The following XYLT1 variants were observed in gnomAD, a reference collection of about 807,000 sequenced individuals.
XYLT1 encodes beta-D-xylosyltransferase 1.
Under a neutral mutation model 91.3 loss-of-function variants are expected in XYLT1, and 36 were observed. The observed-to-expected ratio is 0.39, with a 90% CI of 0.30 to 0.52. XYLT1 has a LOEUF of 0.52. Among genes scored for constraint, XYLT1 ranks in the 20% least tolerant of loss-of-function variants. The pLI, the probability that XYLT1 is intolerant of heterozygous loss-of-function variation, is 0.68. For missense variants in XYLT1, 1,242 were observed against 1,284.5 expected (o/e 0.97, Z 0.51); for synonymous variants, 588 against 532.0 (o/e 1.11, Z -1.45).
chr16:17,133,216 G>C (rs897840445), intron 9 of XYLT1, among the ~76,000 whole-genome samples: 2 of 152,060 alleles, frequency 1.3e-5, no homozygotes, highest in Admixed American at 1.3e-4. Context: ...CCAGGGATGA[G>C]ACACCAGGTG....
intron 1 of XYLT1, among the ~76,000 whole-genome samples, chr16:17,469,442 C>G (rs1364708464): frequency 6.6e-6 from 1 of 152,220 alleles, no homozygotes; most frequent in Non-Finnish European, 1.5e-5. Context: ...AATGGGGACT[C>G]CGGCCTCCTG....
rs371595301 is a variant in XYLT1 at position 17,267,500 on chromosome 16, G to A, written c.403-8002C>T. ...ACGCTCATCGCAAGCTCCGCCTCCC[G>A]GGTTCACGCCATTCTCCTGCCTCAG... On this transcript the variant is annotated intron_variant, in intron 2 of 11. Coordinates refer to ENST00000261381, the MANE Select transcript of XYLT1 (RefSeq NM_022166.4). Among the ~76,000 whole-genome samples, 14 of 152,308 alleles carry A rather than the reference G, an allele frequency of 9.2e-5. No individual in the cohort carries two copies. In the East Asian group the frequency reaches 1.4e-3, roughly 15 times the overall value.
intron 2 of XYLT1, among the ~76,000 whole-genome samples, chr16:17,352,304 A>G (rs2141857211): frequency 6.6e-6 from 1 of 152,290 alleles, no homozygotes; most frequent in South Asian, 2.1e-4. Flanking sequence ...CATTGCTAAG[A>G]TCTAAAGTTC....
At chr16:17,422,233 G>A (rs1179836042) in intron 1 of XYLT1, among the ~76,000 whole-genome samples, 3 of 151,906 alleles carry the variant, frequency 2.0e-5, no homozygotes, top group Non-Finnish European at 2.9e-5. Flanking sequence ...GTCTCGCTCT[G>A]TCACCCAGGC....
intron 2 of XYLT1, among the ~76,000 whole-genome samples, chr16:17,270,754 G>A (rs2033876751): frequency 6.6e-6 from 1 of 152,192 alleles, no homozygotes; most frequent in Non-Finnish European, 1.5e-5. Context: ...ACCTGCTTTT[G>A]TCAATAAAGT....
rs527401243 is a variant in XYLT1, at chr16:17,459,138, G to A, written c.363+11296C>T. ...TGTAATCCCAGCAGTTTGGGAGGCT[G>A]AGGTGGGAGGATCACTTGATCCCAG... On this transcript the variant is annotated intron_variant, in intron 1 of 11. Transcript: ENST00000261381. 4.6e-5 allele frequency among the ~76,000 whole-genome samples: 7 copies of A among 152,282 alleles called. No homozygotes were observed. In the East Asian group the frequency reaches 1.2e-3, roughly 25 times the overall value.
At chr16:17,401,785 G>A (rs887054052) in intron 1 of XYLT1, among the ~76,000 whole-genome samples, 1 of 151,546 alleles carries the variant, frequency 6.6e-6, no homozygotes, top group African/African-American at 2.4e-5. Flanking sequence ...ATGTTTCTTG[G>A]CCAGTCAGCT....
chr16:17,150,973 C>T (rs1388488786), intron 6 of XYLT1, among the ~76,000 whole-genome samples: 1 of 152,134 alleles, frequency 6.6e-6, no homozygotes, highest in East Asian at 1.9e-4. Flanking sequence ...CCAAAGGAAG[C>T]TACAGGGAAG....
At chr16:17,113,547 T>G (rs1482050033) in intron 11 of XYLT1, among the ~76,000 whole-genome samples, 1 of 152,132 alleles carries the variant, frequency 6.6e-6, no homozygotes, top group African/African-American at 2.4e-5. Context: ...AAATAGAATC[T>G]CTCTCTCGCT....
chr16:17,414,876 C>A (rs904587492), intron 1 of XYLT1, among the ~76,000 whole-genome samples: 1 of 152,052 alleles, frequency 6.6e-6, no homozygotes, highest in African/African-American at 2.4e-5. Flanking sequence ...GCATGAATAC[C>A]CAACGGGGCC....
At chr16:17,200,023 C>A (rs1430506742) in intron 4 of XYLT1, among the ~76,000 whole-genome samples, 1 of 151,774 alleles carries the variant, frequency 6.6e-6, no homozygotes, top group Non-Finnish European at 1.5e-5. Context: ...GAGATCGAGA[C>A]CATCCTGGCC....
intron 2 of XYLT1, among the ~76,000 whole-genome samples, chr16:17,350,019 G>A (rs563909754): frequency 1.3e-5 from 2 of 151,858 alleles, no homozygotes; most frequent in South Asian, 2.1e-4. Flanking sequence ...GACTACAGGC[G>A]CCCACCACCA....
chr16:17,441,989 T>C (rs2036537862), intron 1 of XYLT1, among the ~76,000 whole-genome samples: 1 of 151,328 alleles, frequency 6.6e-6, no homozygotes. Flanking sequence ...TTTGAGGATA[T>C]TTCTGGTTGA....
At chr16:17,232,208 TATTA>T (rs2033168963) in intron 3 of XYLT1, among the ~76,000 whole-genome samples, 1 of 138,620 alleles carries the variant, frequency 7.2e-6, no homozygotes, top group South Asian at 2.2e-4. Flanking sequence ...ATATAATATA[TATTA>T]TATATACACC....
intron 1 of XYLT1, among the ~76,000 whole-genome samples, chr16:17,409,339 G>C (rs1302429626): frequency 6.6e-6 from 1 of 152,148 alleles, no homozygotes; most frequent in African/African-American, 2.4e-5. Context: ...GCTTGGACCT[G>C]CTATTTCTCG....
intron 7 of XYLT1, chr16:17,138,802 CTT>C (rs888101286): frequency 7.3e-5 from 26 of 353,856 alleles, no homozygotes; most frequent in Admixed American, 1.5e-4. Flanking sequence ...TCAAGGGACT[CTT>C]ATGTTCTCTG....
intron 3 of XYLT1, among the ~76,000 whole-genome samples, chr16:17,218,794 C>T (rs898796928): frequency 7.9e-5 from 12 of 152,280 alleles, no homozygotes; most frequent in South Asian, 4.2e-4. Context: ...AGATCCTCCA[C>T]GGGCACAGCC....
chr16:17,174,092 C>A (rs768050044), intron 5 of XYLT1, among the ~76,000 whole-genome samples: 2 of 152,142 alleles, frequency 1.3e-5, no homozygotes, highest in Admixed American at 6.5e-5. Flanking sequence ...CCAAGACCAA[C>A]CTCTCTGTGG....
chr16:17,334,263 G>C (rs2034945275), intron 2 of XYLT1, among the ~76,000 whole-genome samples: 1 of 152,170 alleles, frequency 6.6e-6, no homozygotes. Flanking sequence ...GGTCACTAGT[G>C]AGTAACTGCG....
Sources: allele counts gnomAD v4.1 joint callset (sites outside exome capture counted in the v4.1 genomes callset), GRCh38; gene constraint gnomAD v4.1.1; transcripts MANE v1.5; gene names NCBI Gene and HGNC (gene_info 2026-07-23, HGNC 2026-07-21).